DAB1: variants seen among roughly 807,000 people sequenced by gnomAD.
DAB1 encodes disabled homolog 1.
In DAB1, 15 loss-of-function variants were observed where a neutral mutation model predicts 64.6. That is an observed-to-expected ratio of 0.23 (90% confidence interval 0.16 to 0.36). DAB1 has a LOEUF of 0.36. Among genes scored for constraint, DAB1 ranks in the 10% least tolerant of loss-of-function variants. DAB1 has a pLI of 1.00. For missense variants in DAB1, 596 were observed against 706.7 expected (o/e 0.84, Z 1.78); for synonymous variants, 235 against 251.9 (o/e 0.93, Z 0.64).
intron 1 of DAB1, among the ~76,000 whole-genome samples, chr1:57,291,622 G>T (rs1232343375): frequency 6.6e-6 from 1 of 152,168 alleles, no homozygotes; most frequent in East Asian, 1.9e-4. Context: ...GCAGGCATCA[G>T]AGGGGGCATG....
At chr1:58,540,919 C>T (rs1646597038) in intron 1 of DAB1, among the ~76,000 whole-genome samples, 1 of 151,190 alleles carries the variant, frequency 6.6e-6, no homozygotes, top group Admixed American at 6.6e-5. Context: ...AAAAGAAACA[C>T]AAAGGAAAAA....
intron 5 of DAB1, among the ~76,000 whole-genome samples, chr1:58,082,475 G>A (rs554763393): frequency 1.3e-5 from 2 of 152,042 alleles, no homozygotes; most frequent in South Asian, 2.1e-4. Flanking sequence ...AGACTTTCCT[G>A]TCTCGTGAAA....
chr1:57,771,848 T>C (rs551205442), intron 6 of DAB1, among the ~76,000 whole-genome samples: 1 of 152,318 alleles, frequency 6.6e-6, no homozygotes, highest in South Asian at 2.1e-4. Flanking sequence ...TGATTATACC[T>C]ACTATAAGCA....
chr1:57,068,683 G>A (rs889871203), intron 8 of DAB1, among the ~76,000 whole-genome samples: 2 of 152,082 alleles, frequency 1.3e-5, no homozygotes, highest in African/African-American at 4.8e-5. Flanking sequence ...AGACACTTTG[G>A]TGGAAGACCA....
intron 1 of DAB1, among the ~76,000 whole-genome samples, chr1:57,423,340 A>C (rs1466072977): frequency 1.3e-5 from 2 of 151,978 alleles, no homozygotes; most frequent in East Asian, 3.9e-4. Flanking sequence ...CCGGGGTCCG[A>C]GGAACGCGGG....
At position 57,014,993 on chromosome 1, in the gene DAB1, C is replaced by A. The variant is rs1646379019; in HGVS notation, c.1334G>T (p.Ser445Ile). 6.2e-7 allele frequency: 1 copy of A among 1,614,000 alleles called. No homozygotes were observed. Among genetic ancestry groups the A allele is most frequent in the Non-Finnish European group, 8.5e-7 (1 of 1,180,020 alleles). ...TGCCACCCCGACTTTGTTGAAGTAA[C>A]TGGAGAAGGCCTCTGAGGTACAGGT... ...SLTCTSEAFS[S>I]YFNKVGVAQD... The change falls in exon 12 of 15, where the codon AGT becomes ATT. Residue 445 changes from serine to isoleucine, a missense_variant. By Grantham distance (142) the Ser-to-Ile change is moderately radical (BLOSUM62 -2). Transcript: ENST00000371236.
chr1:58,417,938 T>G (rs72669846), intron 3 of DAB1, among the ~76,000 whole-genome samples: 23,103 of 152,146 alleles, frequency 0.15, 2,259 homozygotes, highest in Middle Eastern at 0.22. Flanking sequence ...ACTATCACAA[T>G]CCCTTCAACT....
chr1:57,495,671 T>A lies in DAB1; in HGVS notation n.625+153921A>T, dbSNP rs1644221775. ...CATGGAATAAATATGTATGCCAGTG[T>A]TTATGAAATATGGTATAGGGTTCAA... On this transcript the variant is annotated intron_variant and non_coding_transcript_variant, in intron 7 of 20. Transcript: ENST00000485760. Among the ~76,000 whole-genome samples, 12 of 152,296 alleles carry A rather than the reference T, an allele frequency of 7.9e-5. No homozygotes were observed. The South Asian group carries it at 2.5e-3, about 32-fold the overall frequency.
At chr1:57,339,158 A>ATT (rs1290722556) in intron 1 of DAB1, among the ~76,000 whole-genome samples, 4 of 137,230 alleles carry the variant, frequency 2.9e-5, no homozygotes, top group Non-Finnish European at 1.6e-5. Flanking sequence ...TTAATTAATT[A>ATT]TTATTTTTTT....
At chr1:58,302,968 C>A (rs1029141006) in intron 4 of DAB1, among the ~76,000 whole-genome samples, 2 of 152,058 alleles carry the variant, frequency 1.3e-5, no homozygotes, top group African/African-American at 4.8e-5. Flanking sequence ...CAGATCTGTT[C>A]CCCACCTTTC....
intron 1 of DAB1, among the ~76,000 whole-genome samples, chr1:57,359,548 A>C (rs1176854976): frequency 4.6e-5 from 7 of 152,018 alleles, no homozygotes; most frequent in Non-Finnish European, 8.8e-5. Flanking sequence ...TAAAAACTTA[A>C]AAATAGAACT....
chr1:58,314,534 G>A (rs1017861580), intron 4 of DAB1, among the ~76,000 whole-genome samples: 28 of 152,170 alleles, frequency 1.8e-4, no homozygotes, highest in African/African-American at 6.7e-4. Context: ...CGATTGAGTC[G>A]TATTTACTCA....
At chr1:58,127,573 T>C (rs1207795329) in intron 5 of DAB1, among the ~76,000 whole-genome samples, 2 of 152,206 alleles carry the variant, frequency 1.3e-5, no homozygotes, top group Non-Finnish European at 2.9e-5. Flanking sequence ...GGTTTTCTTC[T>C]AGGGTTTTTA....
chr1:57,586,521 C>A (rs1234720788), intron 7 of DAB1, among the ~76,000 whole-genome samples: 1 of 151,250 alleles, frequency 6.6e-6, no homozygotes, highest in Non-Finnish European at 1.5e-5. Flanking sequence ...ACAACACTCA[C>A]TTCATGGCGA....
chr1:57,103,723 G>T (rs543153330), intron 4 of DAB1, among the ~76,000 whole-genome samples: 45 of 152,232 alleles, frequency 3.0e-4, no homozygotes, highest in African/African-American at 1.1e-3. Context: ...CCACCAAAAA[G>T]CTTTAAGTGG....
At chr1:57,871,681 A>G (rs567346196) in intron 1 of DAB1, among the ~76,000 whole-genome samples, 1 of 152,310 alleles carries the variant, frequency 6.6e-6, no homozygotes, top group Admixed American at 6.5e-5. Context: ...CTTCACCTAA[A>G]CACAAAGACA....
chr1:57,029,324 T>A (rs558283542), intron 9 of DAB1, among the ~76,000 whole-genome samples: 18 of 152,100 alleles, frequency 1.2e-4, no homozygotes, highest in Non-Finnish European at 2.1e-4. Context: ...AGATGATGTA[T>A]GGAAATGCCT....
intron 5 of DAB1, among the ~76,000 whole-genome samples, chr1:58,087,363 C>T (rs781231502): frequency 6.6e-5 from 10 of 152,176 alleles, no homozygotes; most frequent in Non-Finnish European, 1.3e-4. Context: ...ATGAATCCAT[C>T]AGAAGCTAAA....
chr1:57,945,399 A>G (rs1447599746), intron 5 of DAB1, among the ~76,000 whole-genome samples: 1 of 151,494 alleles, frequency 6.6e-6, no homozygotes, highest in East Asian at 1.9e-4. Flanking sequence ...AGCTGAGACT[A>G]CAGGCATATA....
Sources: allele counts gnomAD v4.1 joint callset (sites outside exome capture counted in the v4.1 genomes callset), GRCh38; gene constraint gnomAD v4.1.1; transcripts MANE v1.5; gene names NCBI Gene and HGNC (gene_info 2026-07-23, HGNC 2026-07-21).